Variants in REC114 observed in about 807,000 individuals in gnomAD.
REC114 encodes the protein REC114 meiotic recombination protein.
REC114 carries 27 observed loss-of-function variants against 31.3 expected under a neutral mutation model. The ratio of observed to expected loss-of-function variants is 0.86; its 90% confidence interval spans 0.64 to 1.19. REC114 has a LOEUF of 1.19. REC114 is among the 50% of genes most tolerant of loss of function. The pLI is 0.00. For synonymous variants in REC114, 134 were observed against 127.7 expected (o/e 1.05, Z -0.33); for missense variants, 344 against 326.9 (o/e 1.05, Z -0.40).
chr15:73,538,697 C>T lies in REC114; in HGVS notation c.250-1788C>T, dbSNP rs12907179. 8.0e-3 allele frequency among the ~76,000 whole-genome samples: 1,215 copies of T among 151,990 alleles called. 5 individuals are homozygous for T. Among genetic ancestry groups the T allele is most frequent in the Non-Finnish European group, 0.013 (909 of 67,938 alleles). On this transcript the variant is annotated intron_variant, in intron 2 of 5. Coordinates refer to ENST00000331090, the MANE Select transcript of REC114 (RefSeq NM_001042367.2). ...GGTCTCGATCTCTGACCTCGTGATC[C>T]GCCTGCCTCGGCCTCCCAAAGTGCT...
rs765074589 is a variant in REC114 at position 73,516,308 on chromosome 15, A to G, written c.250-24177A>G. On this transcript the variant is annotated intron_variant, in intron 2 of 5. Coordinates refer to ENST00000331090, the MANE Select transcript of REC114 (RefSeq NM_001042367.2). ...GCCTCTAGCTTTTAACTATTAATAA[A>G]ATTAAGGTTCTGATTGTTAGTGTTC... Among the ~76,000 whole-genome samples, 82 of 152,122 alleles carry G rather than the reference A, an allele frequency of 5.4e-4. 1 individual carries two copies. Among genetic ancestry groups the G allele is most frequent in the Non-Finnish European group, 8.8e-4 (60 of 67,984 alleles).
intron 1 of REC114, among the ~76,000 whole-genome samples, chr15:73,453,294 T>A (rs1371775104): frequency 6.6e-6 from 1 of 151,936 alleles, no homozygotes; most frequent in East Asian, 1.9e-4. Flanking sequence ...CAAGAAAAAG[T>A]CAACCCCATC....
rs574062150 is a variant in REC114 at position 73,462,650 on chromosome 15, C to T, written c.160-11182C>T. Among the ~76,000 whole-genome samples the T allele has an allele frequency of 2.0e-5, 3 of 152,182 alleles. No homozygotes were observed. In the South Asian group the frequency reaches 6.2e-4, roughly 32 times the overall value. On this transcript the variant is annotated intron_variant, in intron 1 of 5. Transcript: ENST00000331090. ...CCTGTAATCCCAGCACTTTGGGAGGCCGAGGCAGGCGGATCATGAGGTCAG... is the reference window on the plus strand; with the variant it reads ...CCTGTAATCCCAGCACTTTGGGAGGTCGAGGCAGGCGGATCATGAGGTCAG...
At chr15:73,557,411 G>GT (rs1237059367) in intron 5 of REC114, among the ~76,000 whole-genome samples, 5 of 119,528 alleles carry the variant, frequency 4.2e-5, no homozygotes, top group Middle Eastern at 5.1e-3. Context: ...ACTATCAGTA[G>GT]TTTAAAAAAA....
chr15:73,557,653 G>C (rs760175452), intron 5 of REC114, among the ~76,000 whole-genome samples: 12 of 152,168 alleles, frequency 7.9e-5, no homozygotes, highest in Non-Finnish European at 1.5e-4. Flanking sequence ...GAGGAAAACA[G>C]AGCTGCAATA....
At chr15:73,537,778 A>C (rs1207310755) in intron 2 of REC114, among the ~76,000 whole-genome samples, 1 of 152,232 alleles carries the variant, frequency 6.6e-6, no homozygotes, top group Non-Finnish European at 1.5e-5. Context: ...AATCAGAGCA[A>C]TGTAAAAAGG....
intron 4 of REC114, among the ~76,000 whole-genome samples, chr15:73,552,999 G>C (rs1894413205): frequency 6.6e-6 from 1 of 152,056 alleles, no homozygotes; most frequent in Non-Finnish European, 1.5e-5. Flanking sequence ...ATTTTTAATA[G>C]AGATGGGGTT....
chr15:73,493,163 CAT>C (rs2141303886), intron 2 of REC114, among the ~76,000 whole-genome samples: 2 of 152,138 alleles, frequency 1.3e-5, no homozygotes, highest in East Asian at 3.9e-4. Flanking sequence ...ACTATAGGCA[CAT>C]ATGCCAACAC....
chr15:73,560,012 A>T lies in REC114; in HGVS notation c.*96A>T, dbSNP rs545093013. 8.7e-7 allele frequency: 1 copy of T among 1,154,718 alleles called. No homozygotes were observed. The highest frequency in any genetic ancestry group is 1.6e-5 in the African/African-American group (1 of 61,404). 71.5% of individuals were successfully genotyped at this position (1,154,718 alleles called of 1,614,324 possible). On this transcript the variant is annotated 3_prime_UTR_variant, in exon 6 of 6. Coordinates refer to ENST00000331090, the MANE Select transcript of REC114 (RefSeq NM_001042367.2). Reference sequence around the variant, plus strand: ...ATATTAGAATAAAGAGTATTATCCAAACACCTTTTATCAATGTTTTATTTT... The same window carrying T: ...ATATTAGAATAAAGAGTATTATCCATACACCTTTTATCAATGTTTTATTTT...
At chr15:73,520,602 A>G (rs893140304) in intron 2 of REC114, among the ~76,000 whole-genome samples, 2 of 152,078 alleles carry the variant, frequency 1.3e-5, no homozygotes, top group Non-Finnish European at 2.9e-5. Flanking sequence ...TTGTTAGAAG[A>G]TGTACCTAGC....
chr15:73,532,887 T>C (rs375711521), intron 2 of REC114, among the ~76,000 whole-genome samples: 6,727 of 148,956 alleles, frequency 0.045, 1 homozygote, highest in South Asian at 0.081. Context: ...ATATTCAACA[T>C]TCTTAAAGAA....
rs781758291 is a variant in REC114, at chr15:73,551,163, A to C, written c.546+13A>C. The C allele has an allele frequency of 2.5e-6, 4 of 1,583,764 alleles. No individual in the cohort carries two copies. Among genetic ancestry groups the C allele is most frequent in the Non-Finnish European group, 3.4e-6 (4 of 1,164,450 alleles). The stretch of plus-strand genomic sequence containing the variant: ...ACGGCAGCCTGGAGTAAGTAGGCTG[A>C]TGTGTTGGTTATACAGGAAACATGA... On this transcript the variant is annotated intron_variant, in intron 4 of 5. Transcript: ENST00000331090.
chr15:73,558,922 TAACC>T (rs1894522444), intron 5 of REC114, among the ~76,000 whole-genome samples: 1 of 152,234 alleles, frequency 6.6e-6, no homozygotes, highest in Non-Finnish European at 1.5e-5. Flanking sequence ...GGAGCACAGA[TAACC>T]AAACTGTGGC....
chr15:73,539,405 G>A (rs1203931862), intron 2 of REC114, among the ~76,000 whole-genome samples: 4 of 139,744 alleles, frequency 2.9e-5, no homozygotes, highest in East Asian at 2.1e-4. Flanking sequence ...ATTCTCCTGC[G>A]TCAGCCTCTG....
intron 2 of REC114, among the ~76,000 whole-genome samples, chr15:73,505,705 GTA>G (rs1389916581): frequency 6.6e-6 from 1 of 151,992 alleles, no homozygotes; most frequent in East Asian, 1.9e-4. Context: ...CTAATTTTTT[GTA>G]TGTTTTAGTA....
intron 1 of REC114, among the ~76,000 whole-genome samples, chr15:73,463,662 A>C (rs1893019079): frequency 6.6e-6 from 1 of 152,158 alleles, no homozygotes; most frequent in Admixed American, 6.5e-5. Flanking sequence ...CTCTACTAAA[A>C]ATACAAAACT....
At chr15:73,514,459 G>C (rs1039985758) in intron 2 of REC114, among the ~76,000 whole-genome samples, 3 of 152,008 alleles carry the variant, frequency 2.0e-5, no homozygotes, top group Non-Finnish European at 2.9e-5. Flanking sequence ...CGGCCATCTT[G>C]GCTCCTCCCC....
intron 2 of REC114, among the ~76,000 whole-genome samples, chr15:73,481,563 T>G (rs868349235): frequency 3.3e-5 from 5 of 152,150 alleles, no homozygotes; most frequent in African/African-American, 9.6e-5. Flanking sequence ...TTTGAACAGA[T>G]TCTCCCTTGG....
At chr15:73,453,927 C>T (rs1187467621) in intron 1 of REC114, among the ~76,000 whole-genome samples, 2 of 137,056 alleles carry the variant, frequency 1.5e-5, no homozygotes, top group Non-Finnish European at 3.0e-5. Flanking sequence ...AATGAGAACA[C>T]ATGGACATGG....
Sources: allele counts gnomAD v4.1 joint callset (sites outside exome capture counted in the v4.1 genomes callset), GRCh38; gene constraint gnomAD v4.1.1; transcripts MANE v1.5; gene names NCBI Gene and HGNC (gene_info 2026-07-23, HGNC 2026-07-21).